Variants in ATG5 observed in about 807,000 individuals in gnomAD.
The protein encoded by ATG5 is autophagy related 5, also known as autophagy protein 5.
Under a neutral mutation model 36.5 loss-of-function variants are expected in ATG5, and 14 were observed. The ratio of observed to expected loss-of-function variants is 0.38; its 90% CI spans 0.25 to 0.60. The LOEUF is 0.60. ATG5 is among the 20% of genes least tolerant of loss of function. The probability of loss-of-function intolerance (pLI) is 0.60; values close to 1 mark genes in which losing one functional copy is unlikely to be tolerated. For missense variants in ATG5, 195 were observed against 326.7 expected, an observed-to-expected ratio of 0.60 and a Z score of 3.11; for synonymous variants, 95 against 101.5, an observed-to-expected ratio of 0.94 and a Z score of 0.38.
chr6:106,254,932 T>C (rs1778740955), intron 5 of ATG5, among the ~76,000 whole-genome samples: 1 of 152,254 alleles, frequency 6.6e-6, no homozygotes, highest in African/African-American at 2.4e-5. Flanking sequence ...TAGCCATAAT[T>C]GGGAGAATAA....
At chr6:106,283,606 T>A (rs181639201) in intron 4 of ATG5, 2 of 152,232 alleles carry the variant, frequency 1.3e-5, no homozygotes, top group Admixed American at 1.3e-4. Flanking sequence ...GTGTGGAAAT[T>A]CAATCGGCAT....
chr6:106,321,141 C>T (rs746611194), intron 1 of ATG5, among the ~76,000 whole-genome samples: 14 of 152,150 alleles, frequency 9.2e-5, no homozygotes, highest in Admixed American at 4.6e-4. Flanking sequence ...CTATTAGTTA[C>T]GTGTCTTGAA....
intron 5 of ATG5, among the ~76,000 whole-genome samples, chr6:106,252,537 C>A (rs1199948372): frequency 6.6e-6 from 1 of 151,914 alleles, no homozygotes; most frequent in Admixed American, 6.6e-5. Context: ...AATTTGTATT[C>A]TTTGTTACTC....
At chr6:106,251,661 A>AGGGAGAGGGAG in intron 5 of ATG5, among the ~76,000 whole-genome samples, 1 of 1,402 alleles carries the variant, frequency 7.1e-4, no homozygotes, top group Non-Finnish European at 1.2e-3. Flanking sequence ...GGGAGGGAGG[A>AGGGAGAGGGAG]AGGGAGGGGG....
In ATG5 at chr6:106,185,242, G is replaced by A. The variant is rs760175574; in HGVS notation, c.*1298C>T. On this transcript the variant is annotated 3_prime_UTR_variant, in exon 8 of 8. Transcript: ENST00000369076. ...ATAGTAGAATCTCACTTCAGCATTT[G>A]TATAATTTTTTATAAGAAAAACATT... 3.3e-5 allele frequency: 5 copies of A among 152,690 alleles called. No homozygotes were observed. Among genetic ancestry groups the A allele is most frequent in the Non-Finnish European group, 7.4e-5 (5 of 68,002 alleles). 9.5% of individuals were successfully genotyped at this position (152,690 alleles called of 1,614,324 possible). A position where few individuals can be genotyped will look rare whatever the true frequency, so the allele number is the denominator to read the frequency against.
At chr6:106,321,110 G>A (rs1157334741) in intron 1 of ATG5, among the ~76,000 whole-genome samples, 1 of 152,070 alleles carries the variant, frequency 6.6e-6, no homozygotes, top group African/African-American at 2.4e-5. Flanking sequence ...GACTGACATG[G>A]GTTTAAACCC....
intron 6 of ATG5, chr6:106,217,623 C>A (rs1274914486): frequency 1.3e-5 from 2 of 152,140 alleles, no homozygotes; most frequent in African/African-American, 4.8e-5. Flanking sequence ...AGAGAAACGC[C>A]ATAGTAAGGG....
intron 1 of ATG5, among the ~76,000 whole-genome samples, chr6:106,317,335 CTAAA>C (rs1309491736): frequency 1.3e-5 from 2 of 152,180 alleles, no homozygotes; most frequent in Admixed American, 6.5e-5. Context: ...TGAAAACACT[CTAAA>C]TAATCTTACG....
chr6:106,222,622 AT>A (rs1335975764), intron 6 of ATG5, among the ~76,000 whole-genome samples: 9 of 152,244 alleles, frequency 5.9e-5, no homozygotes, highest in Admixed American at 5.9e-4. Flanking sequence ...ATAAAAAGTT[AT>A]GACAGAAGAG....
At chr6:106,265,653 C>A (rs1027188931) in intron 5 of ATG5, among the ~76,000 whole-genome samples, 6 of 152,182 alleles carry the variant, frequency 3.9e-5, no homozygotes, top group African/African-American at 1.4e-4. Context: ...ATAATAAACA[C>A]TCTCACAGAC....
At chr6:106,258,889 A>G (rs549683136) in intron 5 of ATG5, among the ~76,000 whole-genome samples, 1 of 152,350 alleles carries the variant, frequency 6.6e-6, no homozygotes, top group Non-Finnish European at 1.5e-5. Context: ...TTTAGAGATG[A>G]CAGAACAGCA....
intron 5 of ATG5, among the ~76,000 whole-genome samples, chr6:106,263,011 G>C (rs1779088599): frequency 1.3e-5 from 2 of 152,166 alleles, no homozygotes; most frequent in Admixed American, 1.3e-4. Flanking sequence ...CATTCCCCTG[G>C]AAAGGGTGCT....
At chr6:106,273,003 T>G (rs1779512091) in intron 5 of ATG5, among the ~76,000 whole-genome samples, 1 of 152,226 alleles carries the variant, frequency 6.6e-6, no homozygotes, top group Admixed American at 6.5e-5. Context: ...TATAGATTCA[T>G]TCTACTATTT....
intron 3 of ATG5, among the ~76,000 whole-genome samples, chr6:106,306,047 T>A (rs1358583068): frequency 6.6e-6 from 1 of 152,140 alleles, no homozygotes; most frequent in Non-Finnish European, 1.5e-5. Context: ...GGAAGTGATA[T>A]AACACATAAA....
At chr6:106,204,538 T>C (rs1257560611) in intron 6 of ATG5, among the ~76,000 whole-genome samples, 2 of 152,158 alleles carry the variant, frequency 1.3e-5, no homozygotes, top group Non-Finnish European at 2.9e-5. Flanking sequence ...CAAATTGTAA[T>C]CCCCACCCGT....
chr6:106,229,372 G>GAGAGAGAC, intron 6 of ATG5, among the ~76,000 whole-genome samples: 1 of 152,020 alleles, frequency 6.6e-6, no homozygotes, highest in Non-Finnish European at 1.5e-5. Flanking sequence ...AGAGGAAACA[G>GAGAGAGAC]AGAGAGACAG....
intron 5 of ATG5, among the ~76,000 whole-genome samples, chr6:106,262,742 GGATGTGCA>G (rs1779075608): frequency 1.3e-5 from 2 of 152,186 alleles, no homozygotes; most frequent in East Asian, 3.9e-4. Context: ...CCTTCACCCA[GGATGTGCA>G]AGAAGCCAGG....
chr6:106,279,908 T>C, intron 4 of ATG5, 85 bp from the exon 5 acceptor site: 1 of 892,038 alleles, frequency 1.1e-6, no homozygotes, highest in Non-Finnish European at 1.5e-6. Context: ...TCCCCCAGTT[T>C]TTCAATATTT....
chr6:106,207,562 A>G (rs1030693926), intron 6 of ATG5, among the ~76,000 whole-genome samples: 8 of 151,836 alleles, frequency 5.3e-5, no homozygotes, highest in Non-Finnish European at 1.2e-4. Flanking sequence ...AAAGAAAGAA[A>G]TGAAATGCAA....
Sources: gnomAD v4.1 joint callset for allele counts (sites outside exome capture counted in the v4.1 genomes callset) on GRCh38, gnomAD v4.1.1 for gene constraint, MANE v1.5 for transcripts, NCBI Gene and HGNC (gene_info 2026-07-23, HGNC 2026-07-21) for gene names.